The following TNK2 variants were observed in gnomAD, a reference collection of about 807,000 sequenced individuals.
TNK2 encodes activated CDC42 kinase 1.
TNK2 carries 83 observed loss-of-function variants against 101.8 expected under a neutral mutation model. That is an observed-to-expected ratio of 0.82 (90% CI 0.68 to 0.98). The LOEUF (loss-of-function observed/expected upper bound fraction) is 0.98, where lower values mean the gene tolerates loss of function less well. Among genes scored for constraint, TNK2 ranks in the 50% least tolerant of loss-of-function variants. TNK2 has a pLI of 0.00. For missense variants in TNK2, 1,665 were observed against 1,483.2 expected (o/e 1.12, Z -2.01); for synonymous variants, 804 against 633.0 (o/e 1.27, Z -4.06).
chr3:195,868,327 C>T lies in TNK2; in HGVS notation c.1971G>A (p.Glu657=). ...PPAYDDVAQD[E]DDFEICSINS... is the part of the protein sequence containing the mutation. The stretch of plus-strand genomic sequence containing the variant: ...TGATGGAGCAGATCTCAAAGTCATC[C>T]TCATCCTGGGCCACGTCGTCATAGG... Residue 657 remains glutamate (E), a synonymous_variant, in exon 13 of 16, where the codon GAG becomes GAA. Coordinates refer to ENST00000672887, the MANE Select transcript of TNK2 (RefSeq NM_001382273.1). The T allele has an allele frequency of 6.2e-7, 1 of 1,602,782 alleles. No individual in the cohort carries two copies. Among genetic ancestry groups the T allele is most frequent in the Non-Finnish European group, 8.5e-7 (1 of 1,179,192 alleles).
rs951657224 is a variant in TNK2, at chr3:195,863,452, A to G, written c.*729T>C. 1 of 152,826 alleles carries G rather than the reference A, an allele frequency of 6.5e-6. No homozygotes were observed. Among genetic ancestry groups the G allele is most frequent in the Non-Finnish European group, 1.5e-5 (1 of 68,122 alleles). 9.5% of individuals were successfully genotyped at this position (152,826 alleles called of 1,614,324 possible). On this transcript the variant is annotated 3_prime_UTR_variant, in exon 16 of 16. Transcript: ENST00000672887. ...AACTTCGCCAACAGGCTGGTGGGAAAACATGGAACCGCGTGGGGGAATTGG... is the reference window on the plus strand; with the variant it reads ...AACTTCGCCAACAGGCTGGTGGGAAGACATGGAACCGCGTGGGGGAATTGG...
chr3:195,895,718 G>C (rs563646688), intron 1 of TNK2, among the ~76,000 whole-genome samples: 1 of 152,100 alleles, frequency 6.6e-6, no homozygotes, highest in African/African-American at 2.4e-5. Context: ...CTGGGGCCTT[G>C]GGGATTCACG....
intron 1 of TNK2, among the ~76,000 whole-genome samples, chr3:195,900,736 C>T (rs1015329790): frequency 1.1e-4 from 17 of 152,222 alleles, no homozygotes; most frequent in African/African-American, 3.9e-4. Flanking sequence ...AGCTGCCTCT[C>T]GTTGCCTGTC....
chr3:195,871,550 G>A (rs1273911235), intron 10 of TNK2, among the ~76,000 whole-genome samples: 3 of 152,090 alleles, frequency 2.0e-5, no homozygotes, highest in African/African-American at 7.2e-5. Flanking sequence ...GTCACAGGGG[G>A]CCACAGGGGG....
intron 1 of TNK2, among the ~76,000 whole-genome samples, chr3:195,905,962 A>T (rs1761670079): frequency 6.6e-6 from 1 of 152,246 alleles, no homozygotes; most frequent in Non-Finnish European, 1.5e-5. Flanking sequence ...ATATATCAAG[A>T]ACTCTTCAGA....
At chr3:195,903,860 G>A (rs912720259) in intron 1 of TNK2, among the ~76,000 whole-genome samples, 1 of 152,194 alleles carries the variant, frequency 6.6e-6, no homozygotes, top group Non-Finnish European at 1.5e-5. Context: ...TCCAAAGGAA[G>A]TTACAAAAAA....
intron 14 of TNK2, 69 bp from the exon 15 acceptor site, chr3:195,867,085 C>A (rs912132043): frequency 2.5e-6 from 4 of 1,607,100 alleles, no homozygotes; most frequent in African/African-American, 1.3e-5. Context: ...AGAGGGGAGT[C>A]GGAGCCAGGG....
intron 1 of TNK2, among the ~76,000 whole-genome samples, chr3:195,905,978 A>G (rs1007583965): frequency 6.6e-6 from 1 of 152,240 alleles, no homozygotes; most frequent in Non-Finnish European, 1.5e-5. Flanking sequence ...TCAGAACTCA[A>G]CACGAAAAAC....
chr3:195,878,919 AGTGGGGGGAGGCACGGGGC>A lies in TNK2; in HGVS notation c.1014+111_1014+129del, dbSNP rs1335482702. The A allele has an allele frequency of 7.1e-7, 1 of 1,402,840 alleles. No homozygotes were observed. The highest frequency in any genetic ancestry group is 2.3e-5 in the East Asian group (1 of 42,848). The allele number at this position is 1,402,840 out of a possible 1,614,324, so 86.9% of individuals were successfully genotyped here. ...ACGGGGCGTGGTGGGAGGCACGGGA[AGTGGGGGGAGGCACGGGGC>A]GTGGGAGGAGGGAGTCCATTGGTGA... On this transcript the variant is annotated intron_variant, in intron 7 of 15. Transcript: ENST00000672887. The surrounding 1 kb of genome is among the most constrained non-coding windows in gnomAD (Gnocchi z 4.7).
chr3:195,873,818 G>T (rs1747173784), intron 9 of TNK2, among the ~76,000 whole-genome samples: 1 of 152,114 alleles, frequency 6.6e-6, no homozygotes, highest in Non-Finnish European at 1.5e-5. Context: ...ACGGTCGGCG[G>T]GGAGGCGGGG....
rs754737707 is a variant in TNK2, at chr3:195,883,142, G to T, written c.609+15C>A. The T allele has an allele frequency of 3.1e-5, 28 of 900,924 alleles. No homozygotes were observed. The highest frequency in any genetic ancestry group is 2.5e-5 in the Non-Finnish European group (15 of 590,564). The allele number at this position is 900,924 out of a possible 1,614,324, so 55.8% of individuals were successfully genotyped here. On this transcript the variant is annotated intron_variant, in intron 5 of 15. Coordinates refer to ENST00000672887, the MANE Select transcript of TNK2 (RefSeq NM_001382273.1). ...GCCCTCTCCCTGCCCGCCCCCTCCCGCCCGCAGTACTCACCATCTTCATGG... is the reference window on the plus strand; with the variant it reads ...GCCCTCTCCCTGCCCGCCCCCTCCCTCCCGCAGTACTCACCATCTTCATGG...
At chr3:195,867,072 G>C (rs562154066) in intron 14 of TNK2, 56 bp from the exon 15 acceptor site, 1 of 1,608,734 alleles carries the variant, frequency 6.2e-7, no homozygotes, top group East Asian at 2.2e-5. Context: ...ACTAGGGTGG[G>C]GAAGAGGGGA....
intron 9 of TNK2, among the ~76,000 whole-genome samples, chr3:195,876,188 G>A (rs1164444539): frequency 6.6e-6 from 1 of 152,216 alleles, no homozygotes; most frequent in East Asian, 1.9e-4. Flanking sequence ...GGAAAGACCA[G>A]TCATCATTTG....
chr3:195,892,135 C>G (rs1307599198), intron 1 of TNK2: 5 of 575,476 alleles, frequency 8.7e-6, no homozygotes, highest in Non-Finnish European at 1.3e-5. Context: ...CTCCAGAGTT[C>G]AAACACTCTC....
In TNK2 at chr3:195,876,860, C is replaced by A. The variant is rs1749687920; in HGVS notation, c.1256+1393G>T. Reference sequence around the variant, plus strand: ...ACCTAAAACACCAGCTCCAGAGACACACGCCCCAAACACAGGCCACTCTGA... The same window carrying A: ...ACCTAAAACACCAGCTCCAGAGACAAACGCCCCAAACACAGGCCACTCTGA... On this transcript the variant is annotated intron_variant, in intron 9 of 15. Transcript: ENST00000672887. 3 of 356,780 alleles carry A rather than the reference C, an allele frequency of 8.4e-6. No homozygotes were observed. The Admixed American group carries it at 1.1e-4, about 13-fold the overall frequency. The allele number at this position is 356,780 out of a possible 1,614,324, so 22.1% of individuals were successfully genotyped here. A position where few individuals can be genotyped will look rare whatever the true frequency, so the allele number is the denominator to read the frequency against.
intron 15 of TNK2, among the ~76,000 whole-genome samples, chr3:195,865,599 A>G (rs1320053224): frequency 3.7e-3 from 365 of 97,432 alleles, no homozygotes; most frequent in Middle Eastern, 0.02. Flanking sequence ...GTGACAGCGA[A>G]TGCCTGCGTC....
chr3:195,885,454 T>G lies in TNK2; in HGVS notation c.235-421A>C. 1 of 1,312,052 alleles carries G rather than the reference T, an allele frequency of 7.6e-7. No individual in the cohort carries two copies. Among genetic ancestry groups the G allele is most frequent in the South Asian group, 1.2e-5 (1 of 81,200 alleles). The allele number at this position is 1,312,052 out of a possible 1,614,324, so 81.3% of individuals were successfully genotyped here. A position where few individuals can be genotyped will look rare whatever the true frequency, so the allele number is the denominator to read the frequency against. On this transcript the variant is annotated intron_variant, in intron 3 of 15. Transcript: ENST00000672887. This position sits in a 1 kb window ranked among gnomAD's most constrained non-coding sequence, Gnocchi z 4.7. ...GCAGGGGCCCTCCACAGACACCTCC[T>G]TGTCCATTTTTAGCCCTGGCCCCTT...
Position 195,868,349 on chromosome 3 carries a change from TAGGC to T in TNK2, c.1945_1948del (p.Ala649MetfsTer81). On this transcript the variant is annotated frameshift_variant, in exon 13 of 16. Transcript: ENST00000672887. LOFTEE classifies it high-confidence loss of function. ...ATCCTCATCCTGGGCCACGTCGTCA[TAGGC>T]GGGCGGGGGGGGCAGCGGGCGTGCG... The T allele has an allele frequency of 6.3e-7, 1 of 1,598,570 alleles. No homozygotes were observed.
At chr3:195,871,753 G>A (rs563385848) in intron 10 of TNK2, among the ~76,000 whole-genome samples, 7 of 152,214 alleles carry the variant, frequency 4.6e-5, no homozygotes, top group African/African-American at 7.2e-5. Flanking sequence ...CAGGACCCCT[G>A]CATCTGAGCA....
Sources: allele counts gnomAD v4.1 joint callset (sites outside exome capture counted in the v4.1 genomes callset), GRCh38; gene constraint gnomAD v4.1.1; non-coding constraint Gnocchi (gnomAD v3.1); transcripts MANE v1.5; gene names NCBI Gene and HGNC (gene_info 2026-07-23, HGNC 2026-07-21).